PRKCA: variants seen among roughly 807,000 people sequenced by gnomAD.
PRKCA encodes protein kinase C alpha.
Under a neutral mutation model 87.0 loss-of-function variants are expected in PRKCA, and 27 were observed. The observed-to-expected ratio is 0.31, with a 90% CI of 0.23 to 0.43. PRKCA has a LOEUF of 0.43. Ranked by LOEUF, PRKCA falls within the 20% of genes least tolerant of loss-of-function variation. PRKCA has a pLI of 1.00. For synonymous variants in PRKCA, 329 were observed against 311.1 expected (o/e 1.06, Z -0.61); for missense variants, 518 against 852.3 (o/e 0.61, Z 4.88).
chr17:66,708,019 C>T (rs185360737), intron 8 of PRKCA, among the ~76,000 whole-genome samples: 18 of 152,312 alleles, frequency 1.2e-4, no homozygotes, highest in South Asian at 2.1e-4. Flanking sequence ...GGTCCAGGAA[C>T]GTGTGGCCAA....
intron 5 of PRKCA, among the ~76,000 whole-genome samples, chr17:66,662,582 C>G (rs1971936756): frequency 6.6e-6 from 1 of 151,984 alleles, no homozygotes; most frequent in African/African-American, 2.4e-5. Flanking sequence ...TTGTGGTAGT[C>G]TAAGGTGTTG....
intron 2 of PRKCA, among the ~76,000 whole-genome samples, chr17:66,343,028 CT>C (rs557187604): frequency 1.3e-5 from 2 of 151,478 alleles, no homozygotes; most frequent in African/African-American, 4.9e-5. Flanking sequence ...TTCTCTATTT[CT>C]TTTTTTAAAA....
chr17:66,331,123 T>C (rs1287775277), intron 2 of PRKCA, among the ~76,000 whole-genome samples: 1 of 152,206 alleles, frequency 6.6e-6, no homozygotes, highest in Non-Finnish European at 1.5e-5. Context: ...TGGAATCTTA[T>C]CTCCCTGCTC....
At chr17:66,384,858 C>G (rs934688553) in intron 2 of PRKCA, among the ~76,000 whole-genome samples, 6 of 152,074 alleles carry the variant, frequency 3.9e-5, no homozygotes, top group Non-Finnish European at 8.8e-5. Context: ...TCTCAATCTC[C>G]TGACCTCGTG....
At chr17:66,738,935 G>C (rs1974098660) in intron 11 of PRKCA, 80 bp downstream of exon 11, 3 of 1,072,088 alleles carry the variant, frequency 2.8e-6, no homozygotes, top group Non-Finnish European at 4.2e-6. Context: ...CCCCCCGCTT[G>C]AGATTGGGGG....
chr17:66,399,080 A>ATTTTC (rs61604684), intron 2 of PRKCA, among the ~76,000 whole-genome samples: 62,684 of 123,296 alleles, frequency 0.51, 18,888 homozygotes, highest in South Asian at 0.66. Context: ...GGTAGACAGC[A>ATTTTC]TTTTCTTTTC....
intron 16 of PRKCA, among the ~76,000 whole-genome samples, chr17:66,797,827 C>T (rs1975703954): frequency 6.6e-6 from 1 of 152,252 alleles, no homozygotes; most frequent in Non-Finnish European, 1.5e-5. Flanking sequence ...GTCCCATACC[C>T]ATCGTGTGGT....
chr17:66,535,052 A>C (rs145460022), intron 3 of PRKCA, among the ~76,000 whole-genome samples: 1 of 152,214 alleles, frequency 6.6e-6, no homozygotes, highest in Non-Finnish European at 1.5e-5. Flanking sequence ...TCAGCACTTC[A>C]TGTGAATTAT....
chr17:66,588,011 C>T lies in PRKCA; in HGVS notation c.289-53344C>T, dbSNP rs573787289. Among the ~76,000 whole-genome samples, 3 of 150,544 alleles carry T rather than the reference C, an allele frequency of 2.0e-5. No individual in the cohort carries two copies. The South Asian group carries it at 6.3e-4, about 32-fold the overall frequency. ...GGGGTGTACTCAGAAGGGGAACTGC[C>T]AGTCATATGTATCTTTAACTTTACT... is the stretch of plus-strand genomic sequence containing the variant. On this transcript the variant is annotated intron_variant, in intron 3 of 16. Transcript: ENST00000413366.
intron 2 of PRKCA, among the ~76,000 whole-genome samples, chr17:66,397,493 T>G (rs563571842): frequency 2.6e-5 from 4 of 152,218 alleles, no homozygotes; most frequent in African/African-American, 9.6e-5. Context: ...AGATATATCT[T>G]TAAAAACGTT....
intron 2 of PRKCA, among the ~76,000 whole-genome samples, chr17:66,428,772 G>A (rs1015224424): frequency 6.6e-6 from 1 of 152,072 alleles, no homozygotes; most frequent in South Asian, 2.1e-4. Context: ...CCAAATTGCC[G>A]GGATTATAGG....
intron 3 of PRKCA, among the ~76,000 whole-genome samples, chr17:66,553,440 A>G (rs1482985748): frequency 6.6e-6 from 1 of 152,286 alleles, no homozygotes; most frequent in East Asian, 1.9e-4. Context: ...ACGTTTTGGA[A>G]TATTTTCACA....
intron 14 of PRKCA, among the ~76,000 whole-genome samples, chr17:66,780,056 A>G (rs1022507255): frequency 7.9e-5 from 12 of 152,248 alleles, no homozygotes; most frequent in Non-Finnish European, 1.0e-4. Flanking sequence ...CAGATGCTCC[A>G]GGGAGACTTG....
At chr17:66,604,427 A>T (rs1045503173) in intron 3 of PRKCA, among the ~76,000 whole-genome samples, 2 of 152,354 alleles carry the variant, frequency 1.3e-5, no homozygotes, top group Admixed American at 1.3e-4. Context: ...GTAAGAGGAA[A>T]ACAGTGGAAT....
At chr17:66,800,524 C>T (rs1338958995) in intron 16 of PRKCA, among the ~76,000 whole-genome samples, 2 of 152,236 alleles carry the variant, frequency 1.3e-5, no homozygotes, top group Admixed American at 1.3e-4. Flanking sequence ...TCAAGCCTCC[C>T]TCTCCAGGCT....
At chr17:66,378,080 T>G (rs998929509) in intron 2 of PRKCA, among the ~76,000 whole-genome samples, 7 of 152,180 alleles carry the variant, frequency 4.6e-5, no homozygotes, top group Non-Finnish European at 1.0e-4. Context: ...CCCAGCACTT[T>G]GGGAGGCCCA....
intron 5 of PRKCA, among the ~76,000 whole-genome samples, chr17:66,666,831 C>A (rs966703199): frequency 6.6e-6 from 1 of 151,942 alleles, no homozygotes; most frequent in Admixed American, 6.6e-5. Context: ...CTTTGAATCC[C>A]CCCCCCACAC....
intron 2 of PRKCA, among the ~76,000 whole-genome samples, chr17:66,473,707 G>A (rs890965105): frequency 8.5e-5 from 13 of 152,090 alleles, no homozygotes; most frequent in Non-Finnish European, 1.5e-4. Context: ...GGCCGAGGTG[G>A]GTGAATCACC....
At chr17:66,778,479 G>A (rs1298748324) in intron 14 of PRKCA, among the ~76,000 whole-genome samples, 1 of 152,154 alleles carries the variant, frequency 6.6e-6, no homozygotes, top group African/African-American at 2.4e-5. Flanking sequence ...TCGCGCCACT[G>A]CACTGCAGCC....
Sources: allele counts gnomAD v4.1 joint callset (sites outside exome capture counted in the v4.1 genomes callset), GRCh38; gene constraint gnomAD v4.1.1; transcripts MANE v1.5; gene names NCBI Gene and HGNC (gene_info 2026-07-23, HGNC 2026-07-21).